Variants in NCKAP5 observed in about 807,000 individuals in gnomAD.
NCKAP5 encodes the protein NCK associated protein 5.
Under a neutral mutation model 167.0 loss-of-function variants are expected in NCKAP5, and 92 were observed. The observed-to-expected ratio is 0.55, with a 90% CI of 0.47 to 0.66. The LOEUF (loss-of-function observed/expected upper bound fraction) is 0.66. Among genes scored for constraint, NCKAP5 ranks in the 30% least tolerant of loss-of-function variants. The pLI is 0.00. For missense variants in NCKAP5, 2,378 were observed against 2,315.0 expected, an observed-to-expected ratio of 1.03 and a Z score of -0.56; for synonymous variants, 891 against 877.4, an observed-to-expected ratio of 1.02 and a Z score of -0.27.
At chr2:133,103,749 C>T (rs2081593294) in intron 6 of NCKAP5, among the ~76,000 whole-genome samples, 1 of 152,174 alleles carries the variant, frequency 6.6e-6, no homozygotes, top group Non-Finnish European at 1.5e-5. Flanking sequence ...TGCTGCACTC[C>T]AGCCTTGGCA....
At chr2:132,715,393 T>G (rs1689273100) in intron 19 of NCKAP5, among the ~76,000 whole-genome samples, 1 of 152,202 alleles carries the variant, frequency 6.6e-6, no homozygotes, top group Non-Finnish European at 1.5e-5. Context: ...TCTTTCTAAA[T>G]GTCTCTATGT....
At chr2:133,368,594 T>G (rs139598951) in intron 3 of NCKAP5, among the ~76,000 whole-genome samples, 1 of 152,226 alleles carries the variant, frequency 6.6e-6, no homozygotes, top group Non-Finnish European at 1.5e-5. Context: ...AAACTATGCT[T>G]GGACTCAAGG....
intron 19 of NCKAP5, among the ~76,000 whole-genome samples, chr2:132,698,840 C>T (rs1687586327): frequency 6.6e-6 from 1 of 151,012 alleles, no homozygotes; most frequent in Non-Finnish European, 1.5e-5. Flanking sequence ...TCTCAAAAAA[C>T]AAACAAACAA....
intron 3 of NCKAP5, among the ~76,000 whole-genome samples, chr2:133,398,680 T>A (rs189617986): frequency 3.3e-4 from 50 of 152,230 alleles, no homozygotes; most frequent in African/African-American, 1.1e-3. Context: ...ACTTCCTAGG[T>A]GGCAAAATTA....
intron 8 of NCKAP5, among the ~76,000 whole-genome samples, chr2:132,927,405 A>T (rs2218024): frequency 0.24 from 36,799 of 151,850 alleles, 10,068 homozygotes; most frequent in African/African-American, 0.64. Context: ...GTGAAAAATG[A>T]CATTGGTATT....
intron 16 of NCKAP5, among the ~76,000 whole-genome samples, chr2:132,762,803 C>T (rs1032966984): frequency 3.3e-5 from 5 of 152,228 alleles, no homozygotes; most frequent in East Asian, 1.9e-4. Context: ...GAGAAACACA[C>T]GGCTGCTATC....
At chr2:132,705,259 C>A (rs1688246573) in intron 19 of NCKAP5, among the ~76,000 whole-genome samples, 2 of 142,524 alleles carry the variant, frequency 1.4e-5, no homozygotes. Flanking sequence ...GGTAATTTCT[C>A]TCATCCTTAA....
intron 7 of NCKAP5, among the ~76,000 whole-genome samples, chr2:132,992,726 A>G (rs887649836): frequency 6.6e-6 from 1 of 152,190 alleles, no homozygotes; most frequent in South Asian, 2.1e-4. Context: ...AACGCTGAGC[A>G]TGCATTCCCT....
At chr2:133,553,603 G>A (rs561965908) in intron 2 of NCKAP5, among the ~76,000 whole-genome samples, 2 of 152,180 alleles carry the variant, frequency 1.3e-5, no homozygotes, top group South Asian at 2.1e-4. Context: ...CCCAGTAGAA[G>A]TGTGGGCTAG....
At chr2:132,762,087 G>T (rs888587913) in intron 16 of NCKAP5, among the ~76,000 whole-genome samples, 2 of 152,172 alleles carry the variant, frequency 1.3e-5, no homozygotes, top group Non-Finnish European at 2.9e-5. Context: ...TCCTCGTCAC[G>T]CTGCTGAGCA....
intron 5 of NCKAP5, among the ~76,000 whole-genome samples, chr2:133,144,722 C>T (rs1271479967): frequency 2.0e-5 from 3 of 152,202 alleles, no homozygotes; most frequent in African/African-American, 7.2e-5. Flanking sequence ...TACAGAGGCA[C>T]CTGCGTTGTG....
chr2:132,784,339 T>C lies in NCKAP5; in HGVS notation c.2472A>G (p.Leu824=). The C allele has an allele frequency of 1.2e-6, 2 of 1,613,526 alleles. No individual in the cohort carries two copies. Among genetic ancestry groups the C allele is most frequent in the Non-Finnish European group, 1.7e-6 (2 of 1,179,808 alleles). Residue 824 remains leucine (L), a synonymous_variant, in exon 14 of 20, where the codon CTA becomes CTG. Coordinates refer to ENST00000409261, the MANE Select transcript of NCKAP5 (RefSeq NM_207363.3). ...GAGTCACCAGGCCAGATGAAGGGAG[T>C]AGTGTGGTGGCTTCGGGCTCCATTA... The part of the protein sequence containing the change: ...SKLMEPEATT[L]LPSSGLVTLE...
At chr2:133,594,204 G>T in the NCKAP5 span, among the ~76,000 whole-genome samples, 1 of 152,226 alleles carries the variant, frequency 6.6e-6, no homozygotes, top group African/African-American at 2.4e-5. Flanking sequence ...AGGCAGGATG[G>T]CTTGATGGTT....
At chr2:133,422,913 C>A (rs1056177403) in intron 3 of NCKAP5, among the ~76,000 whole-genome samples, 2 of 152,084 alleles carry the variant, frequency 1.3e-5, no homozygotes, top group Admixed American at 6.6e-5. Context: ...CACCAGAGAA[C>A]AAAGACCCCC....
the NCKAP5 span, among the ~76,000 whole-genome samples, chr2:133,635,733 A>G: frequency 6.6e-6 from 1 of 152,346 alleles, no homozygotes; most frequent in Non-Finnish European, 1.5e-5. Context: ...GAATTAAGGT[A>G]ATAAGATGAA....
intron 11 of NCKAP5, among the ~76,000 whole-genome samples, chr2:132,846,162 T>C (rs1168419395): frequency 6.6e-6 from 1 of 152,188 alleles, no homozygotes; most frequent in Non-Finnish European, 1.5e-5. Context: ...CTTTCAAATT[T>C]TCAGAAATTC....
intron 7 of NCKAP5, among the ~76,000 whole-genome samples, chr2:132,986,354 A>G (rs567269642): frequency 3.3e-4 from 50 of 152,288 alleles, no homozygotes; most frequent in African/African-American, 1.2e-3. Flanking sequence ...GCACAGATCT[A>G]CGGACAAGAG....
chr2:132,768,798 C>G (rs1169018485), intron 16 of NCKAP5, among the ~76,000 whole-genome samples: 9 of 151,512 alleles, frequency 5.9e-5, no homozygotes, highest in Non-Finnish European at 1.2e-4. Context: ...CGCCACCACG[C>G]CCGGCTAATT....
intron 1 of NCKAP5, among the ~76,000 whole-genome samples, chr2:133,562,259 T>C (rs1688212047): frequency 6.6e-6 from 1 of 152,116 alleles, no homozygotes; most frequent in Non-Finnish European, 1.5e-5. Flanking sequence ...ACATACTCAA[T>C]GTTTATATAT....
Sources: allele counts gnomAD v4.1 joint callset (sites outside exome capture counted in the v4.1 genomes callset), GRCh38; gene constraint gnomAD v4.1.1; transcripts MANE v1.5; gene names NCBI Gene and HGNC (gene_info 2026-07-23, HGNC 2026-07-21).